Variants in ATP11A observed in about 807,000 individuals in gnomAD.
The protein encoded by ATP11A is phospholipid-transporting ATPase IH.
Under a neutral mutation model 154.4 loss-of-function variants are expected in ATP11A, and 81 were observed. The observed-to-expected ratio is 0.52, with a 90% CI of 0.44 to 0.63. The LOEUF (loss-of-function observed/expected upper bound fraction) is 0.63. Among genes scored for constraint, ATP11A ranks in the 30% least tolerant of loss-of-function variants. The probability of loss-of-function intolerance (pLI) is 0.00; values close to 1 mark genes in which losing one functional copy is unlikely to be tolerated. For missense variants in ATP11A, 1,316 were observed against 1,474.3 expected, an observed-to-expected ratio of 0.89 and a Z score of 1.76; for synonymous variants, 623 against 585.9, an observed-to-expected ratio of 1.06 and a Z score of -0.91.
chr13:112,808,587 C>T (rs2078393250), intron 4 of ATP11A, among the ~76,000 whole-genome samples: 1 of 152,034 alleles, frequency 6.6e-6, no homozygotes. Flanking sequence ...GTGGCTCCAG[C>T]AGGGCTGTTT....
chr13:112,852,748 G>A (rs1428477116), intron 18 of ATP11A, among the ~76,000 whole-genome samples: 1 of 148,044 alleles, frequency 6.8e-6, no homozygotes, highest in African/African-American at 2.5e-5. Context: ...TGACTGGAAT[G>A]GGAATGTAGA....
chr13:112,811,450 C>G (rs1386857559), intron 5 of ATP11A: 1 of 151,956 alleles, frequency 6.6e-6, no homozygotes, highest in Non-Finnish European at 1.5e-5. Flanking sequence ...AACACACGAA[C>G]CAATCAAGAC....
At chr13:112,729,577 A>G (rs565642857) in intron 1 of ATP11A, among the ~76,000 whole-genome samples, 47 of 151,738 alleles carry the variant, frequency 3.1e-4, no homozygotes, top group African/African-American at 1.1e-3. Flanking sequence ...GAGTGTGAAC[A>G]ATGTTGGAAG....
At chr13:112,844,508 G>A (rs1322142869) in intron 17 of ATP11A, among the ~76,000 whole-genome samples, 3 of 152,218 alleles carry the variant, frequency 2.0e-5, no homozygotes, top group South Asian at 4.2e-4. Context: ...ACTCCCACTC[G>A]CTGGAGACCA....
intron 25 of ATP11A, among the ~76,000 whole-genome samples, chr13:112,862,996 CA>C: frequency 6.7e-6 from 1 of 148,754 alleles, no homozygotes; most frequent in African/African-American, 2.6e-5. Flanking sequence ...GAGTGCAGCC[CA>C]TGCAGCTTCC....
At chr13:112,775,673 C>T (rs991943947) in intron 1 of ATP11A, among the ~76,000 whole-genome samples, 2 of 152,028 alleles carry the variant, frequency 1.3e-5, no homozygotes, top group African/African-American at 2.4e-5. Flanking sequence ...GATTTATTTC[C>T]TTACTCCAGT....
chr13:112,736,862 C>T (rs771756027), intron 1 of ATP11A, among the ~76,000 whole-genome samples: 2 of 152,070 alleles, frequency 1.3e-5, no homozygotes, highest in South Asian at 2.1e-4. Flanking sequence ...ATCCACAGGA[C>T]GGGAGAGAGG....
intron 1 of ATP11A, among the ~76,000 whole-genome samples, chr13:112,769,024 T>A (rs573933675): frequency 6.6e-6 from 1 of 152,192 alleles, no homozygotes; most frequent in Non-Finnish European, 1.5e-5. Context: ...GTTGGTTATG[T>A]CTGTGATTGA....
At chr13:112,793,917 C>G (rs532656244) in intron 2 of ATP11A, among the ~76,000 whole-genome samples, 1 of 152,346 alleles carries the variant, frequency 6.6e-6, no homozygotes, top group Admixed American at 6.5e-5. Context: ...CTGGCTACCC[C>G]AAGGGGCAGG....
chr13:112,856,067 G>A lies in ATP11A; in HGVS notation c.2400G>A (p.Ala800=), dbSNP rs749074821. The A allele has an allele frequency of 2.5e-6, 4 of 1,612,986 alleles. No individual in the cohort carries two copies. The highest frequency in any genetic ancestry group is 1.8e-4 in the Middle Eastern group (1 of 5,560). Residue 800 remains alanine (A), a synonymous_variant, in exon 20 of 30, where the codon GCG becomes GCA. Transcript: ENST00000375645. ...GCGCGGTGCTCTGCTGCCGCATGGC[G>A]CCCTTGCAGAAGGCTCAGGTGCTGC... ...SCSAVLCCRM[A]PLQKAQIVKL...
chr13:112,873,780 G>T (rs904184444), intron 27 of ATP11A, 104 bp downstream of exon 27: 5 of 1,148,398 alleles, frequency 4.4e-6, no homozygotes, highest in Non-Finnish European at 6.3e-6. Flanking sequence ...GTTGGTTGGG[G>T]CAAGTGTTTG....
At chr13:112,701,604 G>A (rs1886544780) in intron 1 of ATP11A, among the ~76,000 whole-genome samples, 2 of 152,208 alleles carry the variant, frequency 1.3e-5, no homozygotes, top group South Asian at 4.1e-4. Context: ...AGGCCGAGGC[G>A]GGCGGATCAC....
rs2080917320 is a variant in ATP11A, at chr13:112,882,964, C to T, written c.*1098C>T. On this transcript the variant is annotated 3_prime_UTR_variant, in exon 30 of 30. Coordinates refer to ENST00000375645, the MANE Select transcript of ATP11A (RefSeq NM_015205.3). This position sits in a 1 kb window ranked among gnomAD's most constrained non-coding sequence, Gnocchi z 5.1. The stretch of plus-strand genomic sequence containing the variant: ...CAGCACCGCACCTCTGCCCGCCTCC[C>T]GCACTGCAGCTCCGCCCGCCGGGCT... 4 of 399,120 alleles carry T rather than the reference C, an allele frequency of 1.0e-5. No individual in the cohort carries two copies. The highest frequency in any genetic ancestry group is 1.3e-4 in the South Asian group (1 of 7,988). 24.7% of individuals were successfully genotyped at this position (399,120 alleles called of 1,614,324 possible).
chr13:112,723,971 C>T (rs1318904942), intron 1 of ATP11A, among the ~76,000 whole-genome samples: 1 of 152,082 alleles, frequency 6.6e-6, no homozygotes, highest in Non-Finnish European at 1.5e-5. Context: ...AATGTACATA[C>T]AAGCCTGTCG....
At chr13:112,855,218 TG>T (rs2140338814) in intron 19 of ATP11A, among the ~76,000 whole-genome samples, 1 of 152,342 alleles carries the variant, frequency 6.6e-6, no homozygotes, top group South Asian at 2.1e-4. Context: ...TTTTGTTTTT[TG>T]TTTTTGAGAT....
At chr13:112,843,097 GGTCCT>G (rs1375246411) in intron 17 of ATP11A, among the ~76,000 whole-genome samples, 1 of 148,162 alleles carries the variant, frequency 6.7e-6, no homozygotes, top group Admixed American at 6.7e-5. Context: ...TCCTGTGAGA[GGTCCT>G]AACGCCGAGC....
Position 112,765,839 on chromosome 13 carries a change from C to T in ATP11A, c.40-19296C>T, listed in dbSNP as rs149355106. On this transcript the variant is annotated intron_variant, in intron 1 of 29. Transcript: ENST00000375645. The stretch of plus-strand genomic sequence containing the variant: ...GAGCTTAGTAAACCAACAATACAAA[C>T]GATTTTCTGTAACGACCTCCCGTAA... Among the ~76,000 whole-genome samples the T allele has an allele frequency of 2.7e-3, 412 of 152,368 alleles. 1 individual carries two copies. Among genetic ancestry groups the T allele is most frequent in the African/African-American group, 9.7e-3 (402 of 41,588 alleles).
Position 112,696,469 on chromosome 13 carries a change from C to G in ATP11A, c.39+6014C>G, listed in dbSNP as rs1243933641. ...AGCGAGTGACCCGTTCTGCCGAAGTCCAGTCCCGTGTGTGCTGCGGCCCCG... is the reference window on the plus strand; with the variant it reads ...AGCGAGTGACCCGTTCTGCCGAAGTGCAGTCCCGTGTGTGCTGCGGCCCCG... On this transcript the variant is annotated intron_variant, in intron 1 of 29. Transcript: ENST00000375645. The surrounding 1 kb of genome is among the most constrained non-coding windows in gnomAD (Gnocchi z 6.2). 6.6e-6 allele frequency among the ~76,000 whole-genome samples: 1 copy of G among 152,072 alleles called. No homozygotes were observed. Among genetic ancestry groups the G allele is most frequent in the Non-Finnish European group, 1.5e-5 (1 of 68,014 alleles).
chr13:112,767,749 G>A (rs1019462485), intron 1 of ATP11A, among the ~76,000 whole-genome samples: 4 of 152,094 alleles, frequency 2.6e-5, no homozygotes, highest in African/African-American at 9.7e-5. Context: ...TAGCCACACT[G>A]CAAACTCTGA....
Sources: allele counts gnomAD v4.1 joint callset (sites outside exome capture counted in the v4.1 genomes callset), GRCh38; gene constraint gnomAD v4.1.1; non-coding constraint Gnocchi (gnomAD v3.1); transcripts MANE v1.5; gene names NCBI Gene and HGNC (gene_info 2026-07-23, HGNC 2026-07-21).